FRYL: variants seen among roughly 807,000 people sequenced by gnomAD.
FRYL encodes FRY like transcription coactivator.
FRYL carries 150 observed loss-of-function variants against 351.2 expected under a neutral mutation model. The observed-to-expected ratio is 0.43, with a 90% confidence interval of 0.37 to 0.49. The LOEUF (loss-of-function observed/expected upper bound fraction) is 0.49, where lower values mean the gene tolerates loss of function less well. Ranked by LOEUF, FRYL falls within the 20% of genes least tolerant of loss-of-function variation. The pLI, the probability that FRYL is intolerant of heterozygous loss-of-function variation, is 0.00. For missense variants in FRYL, 3,036 were observed against 3,619.3 expected, an observed-to-expected ratio of 0.84 and a Z score of 4.13; for synonymous variants, 1,153 against 1,257.1, an observed-to-expected ratio of 0.92 and a Z score of 1.75.
At chr4:48,591,802 T>C (rs1346450870) in intron 16 of FRYL, among the ~76,000 whole-genome samples, 1 of 152,148 alleles carries the variant, frequency 6.6e-6, no homozygotes, top group Admixed American at 6.6e-5. Context: ...GGCCTCTCTC[T>C]GAACTCAGAC....
intron 2 of FRYL, 137 bp downstream of exon 2, chr4:48,710,382 G>C: frequency 2.5e-6 from 1 of 393,728 alleles, no homozygotes; most frequent in Non-Finnish European, 4.5e-6. Context: ...TGTAAAAAAT[G>C]TTTTGAGGTC....
intron 33 of FRYL, among the ~76,000 whole-genome samples, chr4:48,559,287 T>C (rs944888045): frequency 2.6e-5 from 4 of 151,706 alleles, no homozygotes; most frequent in African/African-American, 7.3e-5. Flanking sequence ...ATCCTGACTA[T>C]GGAAGGAAGA....
At chr4:48,527,704 T>TC in intron 52 of FRYL, 51 bp from the exon 53 acceptor site, 5 of 1,548,484 alleles carry the variant, frequency 3.2e-6, no homozygotes, top group Non-Finnish European at 4.4e-6. Context: ...GATTTGTCAC[T>TC]CTGCGTATGA....
rs1388805196 is a variant in FRYL, at chr4:48,506,614, TAATATATATATATATATATATATATATA to T, written c.8395-1027_8395-1000del. The T allele has an allele frequency of 9.0e-5, 7 of 78,008 alleles. No individual in the cohort carries two copies. In the East Asian group the frequency reaches 1.7e-3, roughly 19 times the overall value. 4.8% of individuals were successfully genotyped at this position (78,008 alleles called of 1,614,324 possible). ...AAATTATACTATTAAACAATACAAC[TAATATATATATATATATATATATATATA>T]TATATATATATATATATATATATAT... is the stretch of plus-strand genomic sequence containing the variant. On this transcript the variant is annotated intron_variant, in intron 59 of 63. Transcript: ENST00000358350.
intron 49 of FRYL, 98 bp downstream of exon 49, chr4:48,534,447 C>T (rs1242907835): frequency 3.3e-6 from 3 of 915,148 alleles, no homozygotes; most frequent in Non-Finnish European, 5.0e-6. Context: ...GGTTGAACCA[C>T]TTCCCCATTC....
At chr4:48,768,770 G>A (rs1274016325) in intron 1 of FRYL, among the ~76,000 whole-genome samples, 1 of 150,284 alleles carries the variant, frequency 6.7e-6, no homozygotes. Context: ...CAGCCTGGGT[G>A]ACACAGCGAG....
At chr4:48,632,603 A>AT (rs1753457543) in intron 4 of FRYL, among the ~76,000 whole-genome samples, 1 of 151,288 alleles carries the variant, frequency 6.6e-6, no homozygotes, top group Admixed American at 6.6e-5. Context: ...ATACACAAAA[A>AT]ATATATATAC....
At chr4:48,570,755 T>C in intron 27 of FRYL, 72 bp downstream of exon 27, 1 of 1,114,696 alleles carries the variant, frequency 9.0e-7, no homozygotes, top group South Asian at 1.3e-5. Context: ...TTTTTATACA[T>C]TTCATGAGCG....
Position 48,565,561 on chromosome 4 carries a change from T to C in FRYL, c.3300A>G (p.Gln1100=). ...ACGCACAGTATTGATGTCTATTAAT[T>C]TGCATATTTCTATCACTGTATCTGT... ...PLDRYSDRNM[Q]INRHQYCALK... Residue 1100 remains glutamine (Q), a synonymous_variant, in exon 29 of 64, where the codon CAA becomes CAG. Coordinates refer to ENST00000358350, the MANE Select transcript of FRYL (RefSeq NM_015030.2). 6.2e-7 allele frequency: 1 copy of C among 1,609,250 alleles called. No homozygotes were observed. The highest frequency in any genetic ancestry group is 8.5e-7 in the Non-Finnish European group (1 of 1,178,920).
intron 1 of FRYL, among the ~76,000 whole-genome samples, chr4:48,745,195 C>T (rs560731797): frequency 1.6e-4 from 24 of 152,208 alleles, no homozygotes; most frequent in South Asian, 8.3e-4. Context: ...GACAGTGTGG[C>T]GACTCCTCAA....
chr4:48,689,456 C>A (rs1193409061), intron 2 of FRYL, among the ~76,000 whole-genome samples: 1 of 152,052 alleles, frequency 6.6e-6, no homozygotes, highest in African/African-American at 2.4e-5. Flanking sequence ...GAGTTAAGTA[C>A]CAAGAGAAAA....
intron 3 of FRYL, among the ~76,000 whole-genome samples, chr4:48,676,450 G>A (rs1183939330): frequency 2.0e-5 from 3 of 152,074 alleles, no homozygotes; most frequent in Non-Finnish European, 4.4e-5. Context: ...CTTCATTCTT[G>A]AAGTCAGTGA....
At chr4:48,736,642 G>A (rs900106342) in intron 1 of FRYL, among the ~76,000 whole-genome samples, 2 of 151,840 alleles carry the variant, frequency 1.3e-5, no homozygotes, top group African/African-American at 4.8e-5. Flanking sequence ...CTGAGGTCAA[G>A]AGTTCAAGAC....
At chr4:48,610,369 C>T (rs1747801909) in intron 7 of FRYL, among the ~76,000 whole-genome samples, 1 of 151,734 alleles carries the variant, frequency 6.6e-6, no homozygotes, top group African/African-American at 2.4e-5. Context: ...ACATTTAAAC[C>T]AGTAATAAAA....
intron 15 of FRYL, among the ~76,000 whole-genome samples, chr4:48,595,261 T>C (rs1486402130): frequency 6.6e-6 from 1 of 152,206 alleles, no homozygotes; most frequent in East Asian, 1.9e-4. Flanking sequence ...TGGGTTTAAC[T>C]AGCTACAGTG....
chr4:48,702,532 T>G (rs1235737468), intron 2 of FRYL, among the ~76,000 whole-genome samples: 1 of 138,634 alleles, frequency 7.2e-6, no homozygotes, highest in Non-Finnish European at 1.5e-5. Flanking sequence ...TCCCAGCACT[T>G]TGGGAGGCCG....
intron 7 of FRYL, among the ~76,000 whole-genome samples, chr4:48,615,341 A>G (rs1307663298): frequency 6.6e-6 from 1 of 152,236 alleles, no homozygotes; most frequent in Non-Finnish European, 1.5e-5. Flanking sequence ...AAATGCAAAT[A>G]ATCTACTCCG....
At position 48,549,372 on chromosome 4, in the gene FRYL, G is replaced by C. The variant is rs1038711777; in HGVS notation, c.4784+101C>G. ...ATCTGTGTTGCAGTATCTCCATAAAGAAGATTGCTTTCATTCTGTGTTGTC... is the reference window on the plus strand; with the variant it reads ...ATCTGTGTTGCAGTATCTCCATAAACAAGATTGCTTTCATTCTGTGTTGTC... On this transcript the variant is annotated intron_variant, in intron 39 of 63. Coordinates refer to ENST00000358350, the MANE Select transcript of FRYL (RefSeq NM_015030.2). This position sits in a 1 kb window ranked among gnomAD's most constrained non-coding sequence, Gnocchi z 4.2. 6 of 1,029,484 alleles carry C rather than the reference G, an allele frequency of 5.8e-6. No individual in the cohort carries two copies. The African/African-American group carries it at 9.6e-5, about 17-fold the overall frequency. 63.8% of individuals were successfully genotyped at this position (1,029,484 alleles called of 1,614,324 possible).
chr4:48,580,980 A>C, intron 21 of FRYL, 29 bp from the exon 22 acceptor site: 1 of 1,474,398 alleles, frequency 6.8e-7, no homozygotes, highest in Non-Finnish European at 9.2e-7. Flanking sequence ...ATGTCTAAAA[A>C]AATTAGGAAT....
Sources: allele counts gnomAD v4.1 joint callset (sites outside exome capture counted in the v4.1 genomes callset), GRCh38; gene constraint gnomAD v4.1.1; non-coding constraint Gnocchi (gnomAD v3.1); transcripts MANE v1.5; gene names NCBI Gene and HGNC (gene_info 2026-07-23, HGNC 2026-07-21).